Variants in AUTS2 observed in about 807,000 individuals in gnomAD.
AUTS2 encodes the protein autism susceptibility gene 2 protein.
In AUTS2, 17 loss-of-function variants were observed where a neutral mutation model predicts 112.4. The observed-to-expected ratio is 0.15, with a 90% confidence interval of 0.10 to 0.23. The LOEUF (loss-of-function observed/expected upper bound fraction) is 0.23, where lower values mean the gene tolerates loss of function less well. Ranked by LOEUF, AUTS2 falls within the 10% of genes least tolerant of loss-of-function variation. AUTS2 has a pLI of 1.00. For synonymous variants in AUTS2, 751 were observed against 702.7 expected (o/e 1.07, Z -1.09); for missense variants, 1,510 against 1,701.6 (o/e 0.89, Z 1.98).
intron 6 of AUTS2, among the ~76,000 whole-genome samples, chr7:70,758,327 A>G (rs1446103863): frequency 3.3e-5 from 5 of 152,090 alleles, no homozygotes; most frequent in Admixed American, 1.3e-4. Context: ...TCCTTAACAC[A>G]CCACACCAAG....
In AUTS2 at chr7:70,155,974, T is replaced by G. The variant is rs111365466; in HGVS notation, c.660+21403T>G. The stretch of plus-strand genomic sequence containing the variant: ...GACATCTGAAGGATCCTGTTGGTTT[T>G]GTTTTGTTTTGTTTTGTTTTTTTCT... On this transcript the variant is annotated intron_variant, in intron 4 of 18. Transcript: ENST00000342771. Among the ~76,000 whole-genome samples the G allele has an allele frequency of 5.9e-5, 9 of 152,072 alleles. 2 individuals carry two copies. The highest frequency in any genetic ancestry group is 2.2e-4 in the African/African-American group (9 of 41,342).
intron 5 of AUTS2, among the ~76,000 whole-genome samples, chr7:70,602,369 T>C (rs1448918232): frequency 6.6e-6 from 1 of 152,174 alleles, no homozygotes; most frequent in Non-Finnish European, 1.5e-5. Context: ...CCCTGGTACA[T>C]TGACACCTGA....
At chr7:69,895,147 G>C (rs1794691601) in intron 1 of AUTS2, among the ~76,000 whole-genome samples, 1 of 152,074 alleles carries the variant, frequency 6.6e-6, no homozygotes, top group African/African-American at 2.4e-5. Flanking sequence ...CAGGCATGTA[G>C]TCATGTACAC....
intron 4 of AUTS2, among the ~76,000 whole-genome samples, chr7:70,388,319 C>T (rs1793704382): frequency 6.6e-6 from 1 of 152,062 alleles, no homozygotes; most frequent in South Asian, 2.1e-4. Context: ...TTATCCAGTC[C>T]CGCCTTGGAT....
chr7:69,902,640 A>G (rs2129540970), intron 2 of AUTS2, among the ~76,000 whole-genome samples: 1 of 151,724 alleles, frequency 6.6e-6, no homozygotes. Flanking sequence ...AAAGAATAGG[A>G]TTTTTTTTTC....
intron 4 of AUTS2, among the ~76,000 whole-genome samples, chr7:70,255,074 C>CTTTTTT (rs3078929): frequency 3.1e-5 from 4 of 129,636 alleles, no homozygotes; most frequent in East Asian, 2.3e-4. Flanking sequence ...TCAAAATTAC[C>CTTTTTT]TTTTTTTTTT....
Position 69,821,226 on chromosome 7 carries a change from A to G in AUTS2, c.310-78060A>G, listed in dbSNP as rs1330718275. On this transcript the variant is annotated intron_variant, in intron 1 of 18. Coordinates refer to ENST00000342771, the MANE Select transcript of AUTS2 (RefSeq NM_015570.4). ...GAGGAGTAGAGATATGAAGAAATAC[A>G]CATTTAAGTCCAGTAAGTTTTTCAT... Among the ~76,000 whole-genome samples the G allele has an allele frequency of 3.9e-5, 6 of 152,306 alleles. 1 individual carries two copies. The South Asian group carries it at 1.2e-3, about 32-fold the overall frequency.
At chr7:70,334,429 C>T (rs187643746) in intron 4 of AUTS2, among the ~76,000 whole-genome samples, 1 of 152,174 alleles carries the variant, frequency 6.6e-6, no homozygotes, top group Non-Finnish European at 1.5e-5. Flanking sequence ...AACTAACTTA[C>T]AGTGGTAGGT....
intron 1 of AUTS2, among the ~76,000 whole-genome samples, chr7:69,814,354 C>T (rs567008756): frequency 1.3e-3 from 204 of 152,286 alleles, no homozygotes; most frequent in African/African-American, 3.9e-3. Context: ...GAAAATGAGA[C>T]TGAGACAAAA....
At chr7:69,683,050 A>C (rs1050174995) in intron 1 of AUTS2, among the ~76,000 whole-genome samples, 3 of 152,234 alleles carry the variant, frequency 2.0e-5, no homozygotes, top group Admixed American at 6.5e-5. Flanking sequence ...CAGAGGGAAG[A>C]GGGCTCAGAA....
intron 1 of AUTS2, among the ~76,000 whole-genome samples, chr7:69,628,303 T>TA (rs1445718442): frequency 6.6e-6 from 1 of 152,224 alleles, no homozygotes; most frequent in Non-Finnish European, 1.5e-5. Context: ...TTAAATCTTT[T>TA]AAATTATATC....
chr7:70,629,325 A>G (rs1256070576), intron 5 of AUTS2, among the ~76,000 whole-genome samples: 1 of 152,128 alleles, frequency 6.6e-6, no homozygotes, highest in Non-Finnish European at 1.5e-5. Context: ...ACAAAAAATT[A>G]GCCAGGCGTG....
intron 5 of AUTS2, among the ~76,000 whole-genome samples, chr7:70,553,756 CTTTCTTTTTTTTTTTTT>C (rs1801115404): frequency 2.0e-5 from 2 of 98,134 alleles, no homozygotes; most frequent in African/African-American, 8.2e-5. Context: ...AGAGGCCTTT[CTTTCTTTTTTTTTTTTT>C]TTTTTTTTTT....
chr7:69,965,362 A>G (rs1162364107), intron 2 of AUTS2, among the ~76,000 whole-genome samples: 3 of 152,148 alleles, frequency 2.0e-5, no homozygotes, highest in Admixed American at 6.5e-5. Context: ...AACTGTGTCT[A>G]TGCATGGTGC....
intron 1 of AUTS2, among the ~76,000 whole-genome samples, chr7:69,724,705 T>TC (rs986017486): frequency 2.6e-5 from 4 of 152,236 alleles, no homozygotes; most frequent in African/African-American, 9.6e-5. Flanking sequence ...GTGATCATTG[T>TC]CCCCCCTTTT....
intron 4 of AUTS2, chr7:70,290,459 G>A (rs747629622): frequency 1.9e-6 from 3 of 1,539,262 alleles, no homozygotes; most frequent in East Asian, 2.5e-5. Context: ...TCCTGGGCCA[G>A]TAATAGGGAG....
At chr7:70,783,661 G>T (rs1791243930) in intron 15 of AUTS2, 1 of 152,154 alleles carries the variant, frequency 6.6e-6, no homozygotes, top group Admixed American at 6.5e-5. Flanking sequence ...GCCCAAAATA[G>T]TTATTTGGTG....
At chr7:70,541,001 A>G (rs933093393) in intron 5 of AUTS2, among the ~76,000 whole-genome samples, 1 of 152,124 alleles carries the variant, frequency 6.6e-6, no homozygotes, top group Admixed American at 6.5e-5. Context: ...GTCCCCCCCT[A>G]TGAAGTGAAG....
intron 4 of AUTS2, among the ~76,000 whole-genome samples, chr7:70,180,463 A>T (rs1438419064): frequency 6.6e-6 from 1 of 152,184 alleles, no homozygotes; most frequent in Non-Finnish European, 1.5e-5. Context: ...TTAATGATAG[A>T]TGTCTTCTCG....
Sources: allele counts gnomAD v4.1 joint callset (sites outside exome capture counted in the v4.1 genomes callset), GRCh38; gene constraint gnomAD v4.1.1; transcripts MANE v1.5; gene names NCBI Gene and HGNC (gene_info 2026-07-23, HGNC 2026-07-21).